The following COMT variants were observed in gnomAD, a reference collection of about 807,000 sequenced individuals.
COMT encodes the protein catechol O-methyltransferase.
Under a neutral mutation model 18.9 loss-of-function variants are expected in COMT, and 13 were observed. The observed-to-expected ratio is 0.69, with a 90% confidence interval of 0.45 to 1.09. COMT has a LOEUF of 1.09. COMT is among the 50% of genes least tolerant of loss of function. COMT has a pLI of 0.00. For missense variants in COMT, 329 were observed against 361.8 expected, an observed-to-expected ratio of 0.91 and a Z score of 0.73; for synonymous variants, 150 against 160.9, an observed-to-expected ratio of 0.93 and a Z score of 0.51.
chr22:19,945,301 G>A (rs879616382), intron 1 of COMT, among the ~76,000 whole-genome samples: 6 of 152,110 alleles, frequency 3.9e-5, no homozygotes, highest in African/African-American at 7.2e-5. Context: ...CAAGAACCCC[G>A]TAAGCCACAT....
chr22:19,964,128 C>T (rs1225950770), intron 4 of COMT, 40 bp from the exon 5 acceptor site: 1 of 1,613,340 alleles, frequency 6.2e-7, no homozygotes, highest in Non-Finnish European at 8.5e-7. Context: ...GGATGGCCTC[C>T]TGTCTGTGAG....
chr22:19,946,954 T>C (rs984177221), intron 1 of COMT, among the ~76,000 whole-genome samples: 1 of 148,176 alleles, frequency 6.7e-6, no homozygotes, highest in African/African-American at 2.5e-5. Flanking sequence ...CCCACTGTGT[T>C]GCTCAGGCTG....
chr22:19,964,095 G>A, intron 4 of COMT, 73 bp from the exon 5 acceptor site: 1 of 1,613,340 alleles, frequency 6.2e-7, no homozygotes, highest in African/African-American at 1.3e-5. Flanking sequence ...GGCACTGACA[G>A]GCGCTGTTGT....
chr22:19,963,237 C>T (rs1044680018), intron 3 of COMT: 22 of 509,524 alleles, frequency 4.3e-5, no homozygotes, highest in East Asian at 3.7e-4. Flanking sequence ...GTGGGCGGTT[C>T]GGTGATTCAG....
intron 1 of COMT, among the ~76,000 whole-genome samples, chr22:19,953,143 G>C (rs1941985375): frequency 6.6e-6 from 1 of 152,062 alleles, no homozygotes; most frequent in South Asian, 2.1e-4. Flanking sequence ...TGCCACGGTG[G>C]GCCTCAGGAC....
In COMT at chr22:19,962,702, T is replaced by G; in HGVS notation, c.176T>G (p.Ile59Ser). 6.2e-7 allele frequency: 1 copy of G among 1,613,642 alleles called. No individual in the cohort carries two copies. The highest frequency in any genetic ancestry group is 8.5e-7 in the Non-Finnish European group (1 of 1,180,004). The change falls in exon 3 of 6, where the codon ATC (isoleucine) becomes AGC (serine). Residue 59 changes from isoleucine (I) to serine (S), a missense_variant. Coordinates refer to ENST00000361682, the MANE Select transcript of COMT (RefSeq NM_000754.4). ...ATGGGTGACACCAAGGAGCAGCGCA[T>G]CCTGAACCACGTGCTGCAGCATGCG... ...LLMGDTKEQR[I>S]LNHVLQHAEP...
At chr22:19,965,303 G>C (rs1244196683) in intron 5 of COMT, 3 of 152,248 alleles carry the variant, frequency 2.0e-5, no homozygotes, top group African/African-American at 4.8e-5. Flanking sequence ...CTTGAGGCCA[G>C]GAGAGTTCGA....
intron 1 of COMT, among the ~76,000 whole-genome samples, chr22:19,943,793 A>G (rs897829067): frequency 6.6e-6 from 1 of 152,242 alleles, no homozygotes; most frequent in Admixed American, 6.5e-5. Context: ...CAGCAGGGGC[A>G]CTCAGGGACT....
Position 19,945,147 on chromosome 22 carries a change from AG to A in COMT, c.-92+3251del, listed in dbSNP as rs535654975. Among the ~76,000 whole-genome samples, 39 of 152,362 alleles carry A rather than the reference AG, an allele frequency of 2.6e-4. No homozygotes were observed. In the East Asian group the frequency reaches 7.5e-3, roughly 29 times the overall value. ...CTTTCGAGGTTAGGAAGCCAAGCCA[AG>A]AACTTCCAACCAGACTTCACCTGCA... is the stretch of plus-strand genomic sequence containing the variant. On this transcript the variant is annotated intron_variant, in intron 1 of 5. Coordinates refer to ENST00000361682, the MANE Select transcript of COMT (RefSeq NM_000754.4).
Position 19,967,718 on chromosome 22 carries a change from G to A in COMT, c.616-818G>A, listed in dbSNP as rs142164354. The A allele has an allele frequency of 6.2e-4, 163 of 260,920 alleles. 5 individuals carry two copies. In the East Asian group the frequency reaches 0.017, roughly 27 times the overall value. The allele number at this position is 260,920 out of a possible 1,614,324, so 16.2% of individuals were successfully genotyped here. ...GAGATTGCTTGTTAACTTTTGTTTG[G>A]TGACTAAGTCAAATTTCCAAGACAA... On this transcript the variant is annotated intron_variant, in intron 5 of 5. Transcript: ENST00000361682.
intron 3 of COMT, chr22:19,963,216 A>G: frequency 2.0e-6 from 1 of 490,408 alleles, no homozygotes; most frequent in Non-Finnish European, 3.7e-6. Context: ...GTGCCGCCCC[A>G]GGGCCCCAAG....
chr22:19,964,644 C>G (rs1005172275), intron 5 of COMT: 15 of 592,908 alleles, frequency 2.5e-5, no homozygotes, highest in Admixed American at 1.5e-4. Flanking sequence ...GGGGAAGGGC[C>G]GCTCTGGGCC....
At chr22:19,966,906 C>T (rs1334571300) in intron 5 of COMT, 4 of 974,450 alleles carry the variant, frequency 4.1e-6, no homozygotes, top group Non-Finnish European at 4.9e-6. Flanking sequence ...CATAGTGTCA[C>T]CTGCTCCTCT....
At chr22:19,950,661 G>A (rs911565521) in intron 1 of COMT, among the ~76,000 whole-genome samples, 1 of 151,988 alleles carries the variant, frequency 6.6e-6, no homozygotes, top group African/African-American at 2.4e-5. Flanking sequence ...CTGCAGCGGG[G>A]ATCCACAGGT....
chr22:19,945,372 G>A (rs1941819972), intron 1 of COMT, among the ~76,000 whole-genome samples: 1 of 152,182 alleles, frequency 6.6e-6, no homozygotes, highest in Admixed American at 6.5e-5. Flanking sequence ...CAACCTGAAA[G>A]CCATCTGGTC....
rs1294717926 is a variant in COMT, at chr22:19,967,125, TC to T, written c.616-1410del. 7.0e-6 allele frequency: 9 copies of T among 1,293,996 alleles called. No homozygotes were observed. The East Asian group carries it at 5.0e-4, about 72-fold the overall frequency. 80.2% of individuals were successfully genotyped at this position (1,293,996 alleles called of 1,614,324 possible). A position where few individuals can be genotyped will look rare whatever the true frequency, so the allele number is the denominator to read the frequency against. On this transcript the variant is annotated intron_variant, in intron 5 of 5. Coordinates refer to ENST00000361682, the MANE Select transcript of COMT (RefSeq NM_000754.4). ...CCTCCAAAGGTGACCCATGCTCCTT[TC>T]TGCCCTTCCCTCCTTCTTTCCTGTT...
At chr22:19,956,137 C>CTTTTTTTTTTTTTTTTTTTTT (rs71186638) in intron 1 of COMT, among the ~76,000 whole-genome samples, 180 of 84,826 alleles carry the variant, frequency 2.1e-3, no homozygotes, top group Middle Eastern at 0.015. Context: ...TTCTTTTTTT[C>CTTTTTTTTTTTTTTTTTTTTT]TTTTTTTTTT....
intron 1 of COMT, among the ~76,000 whole-genome samples, chr22:19,947,151 G>A (rs961661186): frequency 2.6e-5 from 4 of 151,932 alleles, no homozygotes; most frequent in African/African-American, 9.7e-5. Context: ...CCTGACCCCA[G>A]GTGACCTGCC....
chr22:19,961,085 G>A (rs1048796817), intron 1 of COMT, 114 bp from the exon 2 acceptor site: 7 of 152,328 alleles, frequency 4.6e-5, no homozygotes, highest in Admixed American at 4.6e-4. Flanking sequence ...TGCTAGGGAA[G>A]GCTCAGGCCA....
Sources: gnomAD v4.1 joint callset for allele counts (sites outside exome capture counted in the v4.1 genomes callset) on GRCh38, gnomAD v4.1.1 for gene constraint, MANE v1.5 for transcripts, NCBI Gene and HGNC (gene_info 2026-07-23, HGNC 2026-07-21) for gene names.